The following IMMT variants were observed in gnomAD, a reference collection of about 807,000 sequenced individuals.
IMMT encodes the protein inner membrane mitochondrial protein.
In IMMT, 40 loss-of-function variants were observed where a neutral mutation model predicts 92.7. The observed-to-expected ratio is 0.43, with a 90% CI of 0.34 to 0.56. The LOEUF is 0.56. Ranked by LOEUF, IMMT falls within the 20% of genes least tolerant of loss-of-function variation. The pLI is 0.03. For missense variants in IMMT, 831 were observed against 912.1 expected (o/e 0.91, Z 1.14); for synonymous variants, 322 against 336.1 (o/e 0.96, Z 0.46).
intron 12 of IMMT, among the ~76,000 whole-genome samples, chr2:86,149,491 C>G (rs1338600785): frequency 1.3e-5 from 2 of 152,148 alleles, no homozygotes; most frequent in East Asian, 3.9e-4. Context: ...TATTTGCCTG[C>G]GTAAATAGAC....
chr2:86,144,717 G>T lies in IMMT; in HGVS notation c.1828C>A (p.Gln610Lys). 1 of 1,613,950 alleles carries T rather than the reference G, an allele frequency of 6.2e-7. No homozygotes were observed. The highest frequency in any genetic ancestry group is 8.5e-7 in the Non-Finnish European group (1 of 1,179,904). ...GGAGGGATAGCTGCGGTTAAAGCTT[G>T]GGTGAATTCATTATCAGAACAGTTG... ...KANCSDNEFT[Q>K]ALTAAIPPES... Residue 610 changes from glutamine (Q) to lysine (K), a missense_variant, in exon 15 of 15, where the codon CAA (glutamine) becomes AAA (lysine). Physicochemically the swap from Gln to Lys is moderately conservative, Grantham distance 53. Transcript: ENST00000410111.
At chr2:86,167,070 C>T (rs1219830971) in intron 6 of IMMT, among the ~76,000 whole-genome samples, 17 of 149,460 alleles carry the variant, frequency 1.1e-4, no homozygotes, top group Non-Finnish European at 3.0e-5. Context: ...TGCACTCTAG[C>T]CTGGGCGACA....
rs765358502 is a variant in IMMT, at chr2:86,144,387, C to T, written c.2158G>A (p.Val720Met). ...VNQLKGESRR[V>M]AQDWLKEARM... ...GCTTCCTTCAGCCAGTCCTGTGCCA[C>T]TCGTCTGGATTCCCCCTTCAGCTGA... is the stretch of plus-strand genomic sequence containing the variant. The change falls in exon 15 of 15, where the codon GTG (valine) becomes ATG (methionine). Residue 720 changes from valine (V) to methionine (M), a missense_variant. Coordinates refer to ENST00000410111, the MANE Select transcript of IMMT (RefSeq NM_006839.3). The T allele has an allele frequency of 3.1e-6, 5 of 1,614,016 alleles. No individual in the cohort carries two copies. Among genetic ancestry groups the T allele is most frequent in the Non-Finnish European group, 4.2e-6 (5 of 1,179,902 alleles).
chr2:86,166,593 A>G lies in IMMT; in HGVS notation c.707T>C (p.Leu236Pro). Residue 236 changes from leucine to proline, a missense_variant, in exon 7 of 15, where the codon CTG becomes CCG. Coordinates refer to ENST00000410111, the MANE Select transcript of IMMT (RefSeq NM_006839.3). ...AGCATTCTGAGCTGCAATAGCCTGCAGAGTGACACTTGCAGTTTGCCTCAG... is the reference window on the plus strand; with the variant it reads ...AGCATTCTGAGCTGCAATAGCCTGCGGAGTGACACTTGCAGTTTGCCTCAG... ...DALRQTASVT[L>P]QAIAAQNAAV... 2 of 1,613,626 alleles carry G rather than the reference A, an allele frequency of 1.2e-6. No homozygotes were observed. The highest frequency in any genetic ancestry group is 1.7e-6 in the Non-Finnish European group (2 of 1,179,764).
At chr2:86,190,159 T>C (rs1673029553) in intron 1 of IMMT, among the ~76,000 whole-genome samples, 1 of 152,238 alleles carries the variant, frequency 6.6e-6, no homozygotes, top group South Asian at 2.1e-4. Context: ...AAGAGGATTC[T>C]AGCATGGGTA....
rs777702574 is a variant in IMMT at position 86,179,526 on chromosome 2, C to T, written c.216G>A (p.Arg72=). ...ILYAKWDSHF[R]ESVEKTIPYS... is the part of the protein sequence containing the mutation. ...AAGGTATGGTTTTCTCTACACTTTC[C>T]CGGAAATGGGAATCCCATTTGGCAT... Residue 72 remains arginine (R), a synonymous_variant, in exon 3 of 15, where the codon CGG becomes CGA. Coordinates refer to ENST00000410111, the MANE Select transcript of IMMT (RefSeq NM_006839.3). 7 of 1,613,326 alleles carry T rather than the reference C, an allele frequency of 4.3e-6. No homozygotes were observed. Among genetic ancestry groups the T allele is most frequent in the Non-Finnish European group, 5.9e-6 (7 of 1,179,620 alleles).
At chr2:86,161,926 G>T in intron 8 of IMMT, 50 bp downstream of exon 8, 1 of 1,241,578 alleles carries the variant, frequency 8.1e-7, no homozygotes, top group Non-Finnish European at 1.2e-6. Context: ...CCGGCCCAAA[G>T]AAAGCCACCA....
intron 5 of IMMT, 79 bp downstream of exon 5, chr2:86,171,129 G>C: frequency 8.0e-7 from 1 of 1,243,948 alleles, no homozygotes; most frequent in Non-Finnish European, 1.1e-6. Flanking sequence ...TATACTTAGT[G>C]TCTACGTGTT....
At chr2:86,190,485 T>G (rs1450601383) in intron 1 of IMMT, among the ~76,000 whole-genome samples, 1 of 152,232 alleles carries the variant, frequency 6.6e-6, no homozygotes, top group East Asian at 1.9e-4. Context: ...AAGGCTAGGC[T>G]AGGCGGAAAG....
chr2:86,172,463 T>C (rs1677164588), intron 4 of IMMT, among the ~76,000 whole-genome samples: 2 of 152,034 alleles, frequency 1.3e-5, no homozygotes, highest in Non-Finnish European at 2.9e-5. Context: ...CCCTCCCGAG[T>C]GCTGGGACTG....
In IMMT at chr2:86,144,490, T is replaced by G; in HGVS notation, c.2055A>C (p.Ile685=). 1 of 1,613,964 alleles carries G rather than the reference T, an allele frequency of 6.2e-7. No homozygotes were observed. Among genetic ancestry groups the G allele is most frequent in the South Asian group, 1.1e-5 (1 of 91,076 alleles). ...CATATGACAGTAATTTAAATGTGTT[T>G]ATATCCTCAGGGCAGAGCTCTGGGG... is the stretch of plus-strand genomic sequence containing the variant. The part of the protein sequence containing the change: ...KPPPELCPED[I]NTFKLLSYAS... The change falls in exon 15 of 15, where the codon ATA becomes ATC. Residue 685 remains isoleucine, a synonymous_variant. Transcript: ENST00000410111.
chr2:86,166,767 A>G, intron 6 of IMMT, 123 bp from the exon 7 acceptor site: 1 of 905,354 alleles, frequency 1.1e-6, no homozygotes, highest in South Asian at 1.9e-5. Flanking sequence ...GGAACAAAAT[A>G]CATGAGACTC....
chr2:86,177,847 T>C (rs545753612), intron 3 of IMMT, among the ~76,000 whole-genome samples: 145 of 152,296 alleles, frequency 9.5e-4, no homozygotes, highest in Non-Finnish European at 1.3e-3. Flanking sequence ...TATGGGATAA[T>C]ATATAGATGT....
chr2:86,186,464 G>T (rs1160073979), intron 1 of IMMT, among the ~76,000 whole-genome samples: 8 of 152,172 alleles, frequency 5.3e-5, no homozygotes, highest in Admixed American at 3.9e-4. Flanking sequence ...CTAATAGAAG[G>T]CAGTGAAAGT....
chr2:86,154,414 G>C (rs1675705184), intron 10 of IMMT, among the ~76,000 whole-genome samples: 1 of 151,934 alleles, frequency 6.6e-6, no homozygotes. Context: ...CAAATGATCT[G>C]CCTGCCTCGG....
At chr2:86,174,315 C>T (rs1031280424) in intron 3 of IMMT, among the ~76,000 whole-genome samples, 5 of 152,172 alleles carry the variant, frequency 3.3e-5, no homozygotes, top group African/African-American at 1.2e-4. Context: ...AGAGGGCTGC[C>T]AGATATGTGC....
At chr2:86,145,971 C>T in intron 14 of IMMT, 97 bp downstream of exon 14, 1 of 949,592 alleles carries the variant, frequency 1.1e-6, no homozygotes, top group Non-Finnish European at 1.4e-6. Flanking sequence ...TTTTTATGTC[C>T]TGATGTCAGT....
rs188020876 is a variant in IMMT, at chr2:86,169,274, A to C, written c.655+1475T>G. ...GAGAAAAGTGAAAAGTGAAGAAAAA[A>C]CAGGACTAAAAGAAAAAAGAAGTAG... On this transcript the variant is annotated intron_variant, in intron 6 of 14. Coordinates refer to ENST00000410111, the MANE Select transcript of IMMT (RefSeq NM_006839.3). Among the ~76,000 whole-genome samples the C allele has an allele frequency of 5.0e-3, 762 of 152,342 alleles. 6 individuals carry two copies. Among genetic ancestry groups the C allele is most frequent in the African/African-American group, 0.017 (722 of 41,582 alleles).
At chr2:86,152,394 T>C (rs955955944) in intron 11 of IMMT, among the ~76,000 whole-genome samples, 3 of 136,076 alleles carry the variant, frequency 2.2e-5, no homozygotes, top group Admixed American at 8.1e-5. Flanking sequence ...TGAGCCGAAA[T>C]TGCGCCACTG....
Sources: allele counts gnomAD v4.1 joint callset (sites outside exome capture counted in the v4.1 genomes callset), GRCh38; gene constraint gnomAD v4.1.1; transcripts MANE v1.5; gene names NCBI Gene and HGNC (gene_info 2026-07-23, HGNC 2026-07-21).